The following WDR25 variants were observed in gnomAD, a reference collection of about 807,000 sequenced individuals.
WDR25 encodes the protein WD repeat domain 25, also known as WD repeat-containing protein 25.
WDR25 carries 35 observed loss-of-function variants against 47.7 expected under a neutral mutation model. That is an observed-to-expected ratio of 0.73 (90% confidence interval 0.56 to 0.97). The LOEUF (loss-of-function observed/expected upper bound fraction) is 0.97. Among genes scored for constraint, WDR25 ranks in the 50% least tolerant of loss-of-function variants. The pLI is 0.00. For synonymous variants in WDR25, 248 were observed against 278.9 expected (o/e 0.89, Z 1.10); for missense variants, 634 against 704.7 (o/e 0.90, Z 1.14).
At chr14:100,434,313 A>C (rs1271825380) in intron 2 of WDR25, among the ~76,000 whole-genome samples, 1 of 151,964 alleles carries the variant, frequency 6.6e-6, no homozygotes, top group Non-Finnish European at 1.5e-5. Flanking sequence ...TTCCATTTCC[A>C]TATTTGTCAC....
chr14:100,399,824 A>G (rs1897335928), intron 2 of WDR25, among the ~76,000 whole-genome samples: 2 of 152,216 alleles, frequency 1.3e-5, no homozygotes, highest in African/African-American at 4.8e-5. Context: ...AATTTTGAGT[A>G]ATCTACTTCC....
intron 2 of WDR25, chr14:100,454,522 G>C: frequency 8.9e-7 from 1 of 1,121,064 alleles, no homozygotes; most frequent in Non-Finnish European, 1.2e-6. Flanking sequence ...CTGTACAACA[G>C]CAACAACAAC....
chr14:100,426,372 G>T (rs1898168448), intron 2 of WDR25, among the ~76,000 whole-genome samples: 2 of 152,218 alleles, frequency 1.3e-5, no homozygotes, highest in Admixed American at 1.3e-4. Context: ...CCCTTCCAAA[G>T]AACTGTGGGC....
At chr14:100,443,641 G>C (rs1035408672) in intron 2 of WDR25, among the ~76,000 whole-genome samples, 6 of 151,924 alleles carry the variant, frequency 3.9e-5, no homozygotes, top group African/African-American at 1.4e-4. Context: ...TTCTCTCTCT[G>C]CCCAGAACTC....
chr14:100,460,730 G>A (rs186215526), intron 2 of WDR25, among the ~76,000 whole-genome samples: 267 of 152,198 alleles, frequency 1.8e-3, no homozygotes, highest in Non-Finnish European at 3.2e-3. Context: ...AAAAACATTA[G>A]CTCTAATGTC....
In WDR25 at chr14:100,424,859, A is replaced by G. The variant is rs1425662662; in HGVS notation, c.822+43113A>G. Among the ~76,000 whole-genome samples, 3 of 152,266 alleles carry G rather than the reference A, an allele frequency of 2.0e-5. No homozygotes were observed. ...ACTGACAAGGAAACTCAGGCTCAAC[A>G]AGGTGATGCCTTTCCCAGGACATGT... On this transcript the variant is annotated intron_variant, in intron 2 of 6. Transcript: ENST00000402312. This position sits in a 1 kb window ranked among gnomAD's most constrained non-coding sequence, Gnocchi z 4.2.
At chr14:100,513,614 T>A (rs1029174534) in intron 4 of WDR25, among the ~76,000 whole-genome samples, 2 of 152,226 alleles carry the variant, frequency 1.3e-5, no homozygotes, top group Non-Finnish European at 2.9e-5. Flanking sequence ...TTTGAAGTTG[T>A]TACCAGGTGC....
intron 3 of WDR25, among the ~76,000 whole-genome samples, chr14:100,480,180 C>T (rs928320295): frequency 6.6e-6 from 1 of 152,216 alleles, no homozygotes; most frequent in Non-Finnish European, 1.5e-5. Context: ...CAGAAAACCA[C>T]ATTTGTCTTC....
chr14:100,505,083 A>G (rs2140354614), intron 4 of WDR25, among the ~76,000 whole-genome samples: 1 of 152,198 alleles, frequency 6.6e-6, no homozygotes, highest in African/African-American at 2.4e-5. Context: ...TTGAGTTCTA[A>G]GAGTCTTTCT....
At chr14:100,521,703 G>A (rs888911802) in intron 4 of WDR25, among the ~76,000 whole-genome samples, 5 of 152,122 alleles carry the variant, frequency 3.3e-5, no homozygotes, top group Non-Finnish European at 7.4e-5. Context: ...TTTACAAATA[G>A]TGCTGTTTTC....
chr14:100,525,053 G>A lies in WDR25; in HGVS notation c.1102-817G>A, dbSNP rs1379500247. ...CGGCCCAGGAACTGGTAAAGGGACCGGCCGGCCCCTGCGACCAACTTGAGA... is the reference window on the plus strand; with the variant it reads ...CGGCCCAGGAACTGGTAAAGGGACCAGCCGGCCCCTGCGACCAACTTGAGA... On this transcript the variant is annotated intron_variant, in intron 4 of 6. Transcript: ENST00000402312. The surrounding 1 kb of genome is among the most constrained non-coding windows in gnomAD (Gnocchi z 4.6). Among the ~76,000 whole-genome samples, 1 of 152,268 alleles carries A rather than the reference G, an allele frequency of 6.6e-6. No individual in the cohort carries two copies. The highest frequency in any genetic ancestry group is 1.5e-5 in the Non-Finnish European group (1 of 68,028).
intron 2 of WDR25, among the ~76,000 whole-genome samples, chr14:100,395,189 C>T (rs1428468064): frequency 6.6e-6 from 1 of 152,182 alleles, no homozygotes; most frequent in Non-Finnish European, 1.5e-5. Flanking sequence ...ATCTCATTTG[C>T]CCTCAGCTGG....
rs1431708238 is a variant in WDR25, at chr14:100,502,476, C to T, written c.1101+18352C>T. Among the ~76,000 whole-genome samples the T allele has an allele frequency of 3.9e-5, 6 of 152,250 alleles. No individual in the cohort carries two copies. The highest frequency in any genetic ancestry group is 1.4e-4 in the African/African-American group (6 of 41,480). On this transcript the variant is annotated intron_variant, in intron 4 of 6. Transcript: ENST00000402312. The surrounding 1 kb of genome is among the most constrained non-coding windows in gnomAD (Gnocchi z 4.5). ...TCCTGCTGCGAGTAGTCAGCTCCCT[C>T]TCCTGGAGCTGGGGGAGCTGGGGGA...
In WDR25 at chr14:100,449,980, T is replaced by C. The variant is rs1048875180; in HGVS notation, c.823-18041T>C. On this transcript the variant is annotated intron_variant, in intron 2 of 6. Coordinates refer to ENST00000402312, the MANE Select transcript of WDR25 (RefSeq NM_001161476.3). This position sits in a 1 kb window ranked among gnomAD's most constrained non-coding sequence, Gnocchi z 4.2. ...ATTCTTCTCTAAACTGGGCATTCAG[T>C]GCGTCCACAGTCCGGCGGCCCAGGC... Among the ~76,000 whole-genome samples, 1 of 152,218 alleles carries C rather than the reference T, an allele frequency of 6.6e-6. No individual in the cohort carries two copies. The highest frequency in any genetic ancestry group is 2.4e-5 in the African/African-American group (1 of 41,452).
chr14:100,415,006 C>G lies in WDR25; in HGVS notation c.822+33260C>G, dbSNP rs533830547. On this transcript the variant is annotated intron_variant, in intron 2 of 6. Transcript: ENST00000402312. The stretch of plus-strand genomic sequence containing the variant: ...AGGGGGAGCAGCAAGGGGGCAGAGG[C>G]AGCTGTCAGGTGAGCAAGGCCAGTG... 4.6e-4 allele frequency among the ~76,000 whole-genome samples: 70 copies of G among 152,084 alleles called. 3 individuals are homozygous for G. The South Asian group carries it at 0.014, about 31-fold the overall frequency.
intron 5 of WDR25, among the ~76,000 whole-genome samples, chr14:100,526,941 A>AC (rs143287310): frequency 4.6e-5 from 7 of 150,588 alleles, no homozygotes; most frequent in East Asian, 1.9e-4. Flanking sequence ...CATCACCACC[A>AC]CACCATCTCT....
chr14:100,391,398 C>T (rs1029965825), intron 2 of WDR25, among the ~76,000 whole-genome samples: 4 of 152,232 alleles, frequency 2.6e-5, no homozygotes, highest in African/African-American at 9.6e-5. Context: ...CGGCAGCCAG[C>T]TTCGTGATGC....
At chr14:100,459,191 A>T (rs12888018) in intron 2 of WDR25, among the ~76,000 whole-genome samples, 35,255 of 152,068 alleles carry the variant, frequency 0.23, 4,332 homozygotes, top group African/African-American at 0.29. Flanking sequence ...GAGAGAAGTG[A>T]CCTAATTATA....
At chr14:100,508,046 CCAG>C (rs1901176248) in intron 4 of WDR25, among the ~76,000 whole-genome samples, 1 of 152,090 alleles carries the variant, frequency 6.6e-6, no homozygotes, top group African/African-American at 2.4e-5. Context: ...TGAACCAAAT[CCAG>C]CAGCACATCA....
Sources: allele counts gnomAD v4.1 joint callset (sites outside exome capture counted in the v4.1 genomes callset), GRCh38; gene constraint gnomAD v4.1.1; non-coding constraint Gnocchi (gnomAD v3.1); transcripts MANE v1.5; gene names NCBI Gene and HGNC (gene_info 2026-07-23, HGNC 2026-07-21).